RAB11FIP4: variants seen among roughly 807,000 people sequenced by gnomAD.
RAB11FIP4 encodes the protein RAB11 family interacting protein 4.
Under a neutral mutation model 74.3 loss-of-function variants are expected in RAB11FIP4, and 23 were observed. That is an observed-to-expected ratio of 0.31 (90% confidence interval 0.22 to 0.44). The LOEUF (loss-of-function observed/expected upper bound fraction) is 0.44. RAB11FIP4 is among the 20% of genes least tolerant of loss of function. The probability of loss-of-function intolerance (pLI) is 1.00; values close to 1 mark genes in which losing one functional copy is unlikely to be tolerated. For missense variants in RAB11FIP4, 630 were observed against 863.9 expected (o/e 0.73, Z 3.39); for synonymous variants, 360 against 359.9 (o/e 1.00, Z 0.00).
intron 3 of RAB11FIP4, among the ~76,000 whole-genome samples, chr17:31,452,529 C>T (rs866555772): frequency 1.3e-5 from 2 of 152,188 alleles, no homozygotes; most frequent in Admixed American, 6.5e-5. Context: ...CCTGGGTCTG[C>T]GTTCCTAGCC....
At chr17:31,400,835 G>A (rs907688939) in intron 1 of RAB11FIP4, among the ~76,000 whole-genome samples, 1 of 152,104 alleles carries the variant, frequency 6.6e-6, no homozygotes. Flanking sequence ...CAGGTCTGGG[G>A]ACCACGCTTC....
intron 3 of RAB11FIP4, among the ~76,000 whole-genome samples, chr17:31,485,131 A>C (rs988138127): frequency 2.6e-5 from 4 of 152,208 alleles, no homozygotes; most frequent in African/African-American, 9.6e-5. Context: ...TCACAACTGC[A>C]AGAGGAAATG....
chr17:31,467,781 C>T (rs1259874680), intron 3 of RAB11FIP4, among the ~76,000 whole-genome samples: 1 of 152,214 alleles, frequency 6.6e-6, no homozygotes, highest in African/African-American at 2.4e-5. Context: ...AGCTCCATTA[C>T]CGCTCTTTTC....
chr17:31,434,849 A>G (rs1380852695), intron 3 of RAB11FIP4, among the ~76,000 whole-genome samples: 2 of 152,234 alleles, frequency 1.3e-5, no homozygotes, highest in African/African-American at 4.8e-5. Context: ...CTCCCAGCAC[A>G]TCACCGTGCT....
At chr17:31,524,025 G>A (rs768542534) in intron 9 of RAB11FIP4, 29 bp downstream of exon 9, 16 of 1,532,010 alleles carry the variant, frequency 1.0e-5, no homozygotes, top group South Asian at 6.9e-5. Context: ...CTGGGGGCTC[G>A]GCCGTGACGC....
intron 3 of RAB11FIP4, among the ~76,000 whole-genome samples, chr17:31,515,936 G>T (rs2072537680): frequency 6.6e-6 from 1 of 152,164 alleles, no homozygotes; most frequent in South Asian, 2.1e-4. Flanking sequence ...CTGGGCCCCA[G>T]ACCCAGCACA....
At chr17:31,514,545 C>T (rs1001935854) in intron 3 of RAB11FIP4, among the ~76,000 whole-genome samples, 1 of 152,246 alleles carries the variant, frequency 6.6e-6, no homozygotes, top group Non-Finnish European at 1.5e-5. Context: ...GGAAAAGAGG[C>T]TCAGCTCATC....
intron 5 of RAB11FIP4, 127 bp from the exon 6 acceptor site, chr17:31,521,788 C>A: frequency 1.9e-6 from 2 of 1,063,806 alleles, no homozygotes; most frequent in Non-Finnish European, 1.4e-6. Flanking sequence ...TATTTCCACT[C>A]CCTGCCCCTC....
rs747867974 is a variant in RAB11FIP4 at position 31,521,155 on chromosome 17, C to T, written c.564-11C>T. 1.5e-5 allele frequency: 24 copies of T among 1,549,212 alleles called. No homozygotes were observed. The highest frequency in any genetic ancestry group is 1.7e-4 in the Middle Eastern group (1 of 5,810). ...AGTCCTCCTCTGACTTGGGTGCTCT[C>T]GGACCCTCAGGTCCCTGGTCCACAC... On this transcript the variant is annotated splice_polypyrimidine_tract_variant and intron_variant, in intron 4 of 14. Coordinates refer to ENST00000621161, the MANE Select transcript of RAB11FIP4 (RefSeq NM_032932.6).
intron 1 of RAB11FIP4, among the ~76,000 whole-genome samples, chr17:31,427,796 G>T (rs761365284): frequency 1.5e-4 from 23 of 152,188 alleles, no homozygotes; most frequent in Non-Finnish European, 2.6e-4. Context: ...AGAGGAGGCG[G>T]AATGCCAGCC....
chr17:31,525,993 C>G (rs1027692482), intron 10 of RAB11FIP4: 1 of 152,226 alleles, frequency 6.6e-6, no homozygotes, highest in Non-Finnish European at 1.5e-5. Flanking sequence ...GGCTGCTGAG[C>G]AAATGACTGG....
At chr17:31,392,304 A>G in intron 1 of RAB11FIP4, 1 of 255,082 alleles carries the variant, frequency 3.9e-6, no homozygotes. Flanking sequence ...CGGTCTGCAC[A>G]TCCACCCTTG....
chr17:31,424,098 T>G (rs1380040412), intron 1 of RAB11FIP4, among the ~76,000 whole-genome samples: 1 of 152,186 alleles, frequency 6.6e-6, no homozygotes, highest in African/African-American at 2.4e-5. Flanking sequence ...TCTGTGCACC[T>G]GCTGCACAGT....
chr17:31,447,178 G>A (rs1310781195), intron 3 of RAB11FIP4, among the ~76,000 whole-genome samples: 2 of 152,242 alleles, frequency 1.3e-5, no homozygotes, highest in African/African-American at 4.8e-5. Flanking sequence ...CAGCTACTCG[G>A]GAGGCTGAGG....
In RAB11FIP4 at chr17:31,525,233, G is replaced by T. The variant is rs1597983606; in HGVS notation, c.1274+3G>T. The T allele has an allele frequency of 6.5e-7, 1 of 1,544,054 alleles. No individual in the cohort carries two copies. The highest frequency in any genetic ancestry group is 2.4e-5 in the East Asian group (1 of 40,866). On this transcript the variant is annotated splice_donor_region_variant and intron_variant, in intron 10 of 14. Transcript: ENST00000621161. The stretch of plus-strand genomic sequence containing the variant: ...GAGGTGGAGCTGCTCAATGCCAGGT[G>T]GGCCCCTCCACCGAGCCCCCTCCCT...
intron 1 of RAB11FIP4, among the ~76,000 whole-genome samples, chr17:31,415,958 A>G (rs1056256963): frequency 3.9e-5 from 6 of 152,066 alleles, no homozygotes; most frequent in African/African-American, 1.4e-4. Context: ...CTTGACTCAT[A>G]GTCTGATCTG....
At chr17:31,392,135 C>T (rs1181100118) in intron 1 of RAB11FIP4, 124 bp downstream of exon 1, 3 of 755,846 alleles carry the variant, frequency 4.0e-6, no homozygotes, top group Non-Finnish European at 5.3e-6. Context: ...AATCCCCTCC[C>T]TCCGCCGGAG....
intron 3 of RAB11FIP4, among the ~76,000 whole-genome samples, chr17:31,496,549 C>A (rs546777767): frequency 3.1e-4 from 47 of 152,338 alleles, no homozygotes; most frequent in Non-Finnish European, 5.4e-4. Flanking sequence ...TCCTTCTCCC[C>A]CTTTGCCTGA....
chr17:31,432,430 C>T (rs2071319826), intron 2 of RAB11FIP4, among the ~76,000 whole-genome samples: 1 of 151,476 alleles, frequency 6.6e-6, no homozygotes, highest in African/African-American at 2.4e-5. Context: ...ACTATCATGG[C>T]TCCCTGCAGC....
Sources: gnomAD v4.1 joint callset for allele counts (sites outside exome capture counted in the v4.1 genomes callset) on GRCh38, gnomAD v4.1.1 for gene constraint, MANE v1.5 for transcripts, NCBI Gene and HGNC (gene_info 2026-07-23, HGNC 2026-07-21) for gene names.